Variants in UTRN observed in about 807,000 individuals in gnomAD.
UTRN encodes utrophin.
Under a neutral mutation model 463.9 loss-of-function variants are expected in UTRN, and 283 were observed. The ratio of observed to expected loss-of-function variants is 0.61; its 90% confidence interval spans 0.55 to 0.67. UTRN has a LOEUF of 0.67. UTRN is among the 30% of genes least tolerant of loss of function. The pLI is 0.00. For missense variants in UTRN, 3,922 were observed against 4,084.3 expected (o/e 0.96, Z 1.08); for synonymous variants, 1,442 against 1,431.5 (o/e 1.01, Z -0.17).
At chr6:144,633,464 C>A (rs903876194) in intron 51 of UTRN, among the ~76,000 whole-genome samples, 5 of 151,744 alleles carry the variant, frequency 3.3e-5, no homozygotes, top group African/African-American at 1.2e-4. Context: ...GATCTCCTGA[C>A]GTCGTGATCC....
At chr6:144,758,241 A>C in intron 58 of UTRN, 1 of 290,486 alleles carries the variant, frequency 3.4e-6, no homozygotes, top group South Asian at 1.1e-4. Flanking sequence ...GGAGACAGAC[A>C]ATAAGCTATG....
chr6:144,701,616 T>A (rs1239614568), intron 53 of UTRN, among the ~76,000 whole-genome samples: 1 of 152,200 alleles, frequency 6.6e-6, no homozygotes, highest in Non-Finnish European at 1.5e-5. Context: ...TCTTATTTTA[T>A]TGTATTTTTC....
At chr6:144,644,239 A>C (rs1242884604) in intron 51 of UTRN, among the ~76,000 whole-genome samples, 1 of 152,218 alleles carries the variant, frequency 6.6e-6, no homozygotes, top group African/African-American at 2.4e-5. Flanking sequence ...CTCTAAAATT[A>C]GTATTGGAAA....
chr6:144,766,958 A>T (rs1793429801), intron 58 of UTRN, among the ~76,000 whole-genome samples: 1 of 152,074 alleles, frequency 6.6e-6, no homozygotes, highest in East Asian at 1.9e-4. Flanking sequence ...TAAAGGGGAG[A>T]TAGGATAACA....
At chr6:144,700,335 C>A in intron 53 of UTRN, 92 bp downstream of exon 53, 3 of 1,362,528 alleles carry the variant, frequency 2.2e-6, no homozygotes, top group South Asian at 1.8e-5. Context: ...AGAGTTGAAC[C>A]AATTATCACA....
intron 50 of UTRN, among the ~76,000 whole-genome samples, chr6:144,566,422 C>T (rs1800407718): frequency 6.6e-6 from 1 of 152,078 alleles, no homozygotes; most frequent in African/African-American, 2.4e-5. Flanking sequence ...TAGCATTCAT[C>T]TACTCAATGA....
At chr6:144,323,935 A>G (rs1469193052) in intron 2 of UTRN, among the ~76,000 whole-genome samples, 1 of 152,198 alleles carries the variant, frequency 6.6e-6, no homozygotes, top group African/African-American at 2.4e-5. Flanking sequence ...TCAGAGGTGA[A>G]GTTCTTTCTG....
intron 2 of UTRN, among the ~76,000 whole-genome samples, chr6:144,323,207 T>C (rs1167815870): frequency 1.3e-5 from 2 of 152,222 alleles, no homozygotes; most frequent in African/African-American, 2.4e-5. Context: ...AAGCATAACC[T>C]TGGCAATTCT....
In UTRN at chr6:144,461,265, T is replaced by C. The variant is rs1428656280; in HGVS notation, c.2776T>C (p.Ser926Pro). 1.2e-6 allele frequency: 2 copies of C among 1,611,014 alleles called. No homozygotes were observed. Among genetic ancestry groups the C allele is most frequent in the African/African-American group, 1.3e-5 (1 of 74,884 alleles). Reference protein sequence around the residue: ...LKTLKDVLNDSENKAQVSLNV... With the variant: ...LKTLKDVLNDPENKAQVSLNV... ...AACACTGAAAGATGTGCTAAATGATTCAGAAAATAAGGCCCAGGTGTCTCT... is the reference window on the plus strand; with the variant it reads ...AACACTGAAAGATGTGCTAAATGATCCAGAAAATAAGGCCCAGGTGTCTCT... The change falls in exon 22 of 75, where the codon TCA becomes CCA. Residue 926 changes from serine (S) to proline (P), a missense_variant. By Grantham distance (74) the Ser-to-Pro change is moderately conservative. Around this residue, in one of 3 missense-constraint regions of UTRN, gnomAD observed 2,349 missense variants for 2,303.8 expected, o/e 1.02. Coordinates refer to ENST00000367545, the MANE Select transcript of UTRN (RefSeq NM_007124.3).
chr6:144,572,613 G>A (rs930704113), intron 50 of UTRN, among the ~76,000 whole-genome samples: 1 of 151,730 alleles, frequency 6.6e-6, no homozygotes, highest in Non-Finnish European at 1.5e-5. Flanking sequence ...TGTTCTCATT[G>A]TTCAACTCCC....
intron 2 of UTRN, among the ~76,000 whole-genome samples, chr6:144,357,379 A>G (rs1778659881): frequency 6.6e-6 from 1 of 152,204 alleles, no homozygotes; most frequent in Non-Finnish European, 1.5e-5. Flanking sequence ...CAGTGACTTC[A>G]TTTCATAATA....
intron 51 of UTRN, among the ~76,000 whole-genome samples, chr6:144,621,123 A>T (rs1383096991): frequency 6.6e-6 from 1 of 152,102 alleles, no homozygotes; most frequent in Admixed American, 6.6e-5. Context: ...TGGTGGTATT[A>T]CCTCTTAGGG....
intron 49 of UTRN, among the ~76,000 whole-genome samples, chr6:144,555,819 T>G (rs1799330838): frequency 6.6e-6 from 1 of 152,210 alleles, no homozygotes; most frequent in Non-Finnish European, 1.5e-5. Flanking sequence ...ACATGAGATT[T>G]GGGTGGGGAC....
intron 52 of UTRN, among the ~76,000 whole-genome samples, chr6:144,682,677 T>G (rs1483269071): frequency 6.6e-6 from 1 of 152,244 alleles, no homozygotes; most frequent in Non-Finnish European, 1.5e-5. Flanking sequence ...AAAGCCATTT[T>G]TAACTAGATT....
chr6:144,807,158 T>A (rs1272898025), intron 65 of UTRN, among the ~76,000 whole-genome samples: 2 of 152,128 alleles, frequency 1.3e-5, no homozygotes, highest in Non-Finnish European at 2.9e-5. Flanking sequence ...TCCAGTCACC[T>A]TACTGACTTC....
intron 12 of UTRN, 77 bp downstream of exon 12, chr6:144,438,972 A>T: frequency 1.4e-6 from 2 of 1,469,698 alleles, no homozygotes; most frequent in Admixed American, 3.7e-5. Context: ...GGCTGATGAC[A>T]TCTATCGTTA....
intron 53 of UTRN, among the ~76,000 whole-genome samples, chr6:144,711,659 A>G (rs1785725923): frequency 6.6e-6 from 1 of 152,206 alleles, no homozygotes; most frequent in Non-Finnish European, 1.5e-5. Flanking sequence ...GTTATGTAGG[A>G]GCAATTATCA....
At chr6:144,470,319 G>T (rs879329679) in intron 23 of UTRN, among the ~76,000 whole-genome samples, 2 of 151,498 alleles carry the variant, frequency 1.3e-5, no homozygotes, top group Non-Finnish European at 3.0e-5. Flanking sequence ...GGCGGCTGCC[G>T]GGCGGAGACG....
chr6:144,420,261 C>T (rs7774578), intron 3 of UTRN, among the ~76,000 whole-genome samples: 8,614 of 152,168 alleles, frequency 0.057, 825 homozygotes, highest in African/African-American at 0.2. Flanking sequence ...TAATTCGATA[C>T]AAGATAATAC....
Sources: gnomAD v4.1 joint callset for allele counts (sites outside exome capture counted in the v4.1 genomes callset) on GRCh38, gnomAD v4.1.1 for gene constraint, gnomAD v4.1.1 regional missense constraint, MANE v1.5 for transcripts, NCBI Gene and HGNC (gene_info 2026-07-23, HGNC 2026-07-21) for gene names.